The following AKAP11 variants were observed in gnomAD, a reference collection of about 807,000 sequenced individuals.
AKAP11 encodes A-kinase anchoring protein 11, also known as A-kinase anchor protein 11.
A neutral mutation model predicts 146.1 loss-of-function variants in AKAP11; 36 were observed. The observed-to-expected ratio is 0.25, with a 90% confidence interval of 0.19 to 0.33. AKAP11 has a LOEUF of 0.33. Ranked by LOEUF, AKAP11 falls within the 10% of genes least tolerant of loss-of-function variation. The pLI, the probability that AKAP11 is intolerant of heterozygous loss-of-function variation, is 1.00. For missense variants in AKAP11, 2,201 were observed against 2,197.0 expected, an observed-to-expected ratio of 1.00 and a Z score of -0.04; for synonymous variants, 780 against 786.5, an observed-to-expected ratio of 0.99 and a Z score of 0.14.
intron 4 of AKAP11, among the ~76,000 whole-genome samples, chr13:42,293,083 T>C (rs1959292355): frequency 6.6e-6 from 1 of 152,234 alleles, no homozygotes; most frequent in African/African-American, 2.4e-5. Context: ...AATATATCCA[T>C]ACTTCATCAT....
chr13:42,281,979 TC>T (rs1415210708), intron 1 of AKAP11, among the ~76,000 whole-genome samples: 1 of 147,384 alleles, frequency 6.8e-6, no homozygotes, highest in African/African-American at 2.5e-5. Context: ...ATTTTTTCTT[TC>T]TTTTTTTTTT....
rs748001529 is a variant in AKAP11 at position 42,301,287 on chromosome 13, G to T, written c.2541G>T (p.Gln847His). The change falls in exon 8 of 13, where the codon CAG becomes CAT. Residue 847 changes from glutamine (Q) to histidine (H), a missense_variant. Coordinates refer to ENST00000025301, the MANE Select transcript of AKAP11 (RefSeq NM_016248.4). ...CLPSEHNPGNQNDFKPTNDDI... is the reference protein window; with the variant it reads ...CLPSEHNPGNHNDFKPTNDDI... ...CTTCAGAACACAATCCAGGTAATCA[G>T]AATGATTTTAAACCAACTAATGACG... 1.2e-6 allele frequency: 2 copies of T among 1,613,804 alleles called. No individual in the cohort carries two copies. Among genetic ancestry groups the T allele is most frequent in the South Asian group, 2.2e-5 (2 of 91,012 alleles).
At chr13:42,316,230 G>T (rs1960815445) in intron 11 of AKAP11, among the ~76,000 whole-genome samples, 1 of 152,258 alleles carries the variant, frequency 6.6e-6, no homozygotes, top group Admixed American at 6.5e-5. Context: ...AATTAATAGT[G>T]GTCTAGAATG....
intron 1 of AKAP11, among the ~76,000 whole-genome samples, chr13:42,283,366 C>T (rs1959103156): frequency 6.6e-6 from 1 of 152,124 alleles, no homozygotes; most frequent in Non-Finnish European, 1.5e-5. Context: ...GTCTCAGGGG[C>T]ATGATTATAT....
rs192198194 is a variant in AKAP11 at position 42,304,734 on chromosome 13, T to C, written c.5117+871T>C. On this transcript the variant is annotated intron_variant, in intron 8 of 12. Coordinates refer to ENST00000025301, the MANE Select transcript of AKAP11 (RefSeq NM_016248.4). ...CTACAGTGTCCTGTTTTTCAGTAGC[T>C]ATCTCTTGTGCTCAGTGATTCTTTT... is the stretch of plus-strand genomic sequence containing the variant. Among the ~76,000 whole-genome samples, 24 of 152,100 alleles carry C rather than the reference T, an allele frequency of 1.6e-4. No individual in the cohort carries two copies. The East Asian group carries it at 2.3e-3, about 15-fold the overall frequency.
intron 1 of AKAP11, among the ~76,000 whole-genome samples, chr13:42,272,764 A>G (rs1958808617): frequency 6.6e-6 from 1 of 152,172 alleles, no homozygotes; most frequent in Admixed American, 6.5e-5. Flanking sequence ...TCCTCAGAGT[A>G]TTGATATTTG....
intron 11 of AKAP11, 120 bp downstream of exon 11, chr13:42,314,060 G>A (rs1960696745): frequency 2.1e-6 from 2 of 960,046 alleles, no homozygotes; most frequent in African/African-American, 3.3e-5. Context: ...TATAAATCAG[G>A]GTATTCTTGA....
At chr13:42,313,982 A>G (rs750322334) in intron 11 of AKAP11, 42 bp downstream of exon 11, 4 of 1,602,328 alleles carry the variant, frequency 2.5e-6, no homozygotes, top group African/African-American at 1.3e-5. Flanking sequence ...TGTGTTTTGT[A>G]TAAGGTTTCC....
rs577881422 is a variant in AKAP11, at chr13:42,313,137, C to T, written c.5357+7C>T. 3.0e-4 allele frequency: 479 copies of T among 1,605,856 alleles called. 6 individuals carry two copies. In the South Asian group the frequency reaches 5.2e-3, roughly 17 times the overall value. ...CCTTTCCAACATCAGACAGGTTGGT[C>T]CAGTCTAGAAACTTAAAAACTGATG... is the stretch of plus-strand genomic sequence containing the variant. On this transcript the variant is annotated splice_region_variant and intron_variant, in intron 10 of 12. Coordinates refer to ENST00000025301, the MANE Select transcript of AKAP11 (RefSeq NM_016248.4).
intron 8 of AKAP11, 33 bp from the exon 9 acceptor site, chr13:42,308,421 A>G (rs1260555983): frequency 1.2e-5 from 18 of 1,530,166 alleles, no homozygotes; most frequent in Middle Eastern, 2.1e-4. Flanking sequence ...GATGCTTTCA[A>G]TTTGATTTTT....
upstream of AKAP11, among the ~76,000 whole-genome samples, chr13:42,271,680 G>C (rs1958770157): frequency 6.6e-6 from 1 of 152,186 alleles, no homozygotes; most frequent in South Asian, 2.1e-4. Flanking sequence ...TGCGGAGCAA[G>C]CCAAGGCCTG....
chr13:42,303,470 A>G lies in AKAP11; in HGVS notation c.4724A>G (p.Tyr1575Cys). Residue 1575 changes from tyrosine to cysteine, a missense_variant, in exon 8 of 13, where the codon TAT becomes TGT. Around this residue, in one of 3 missense-constraint regions of AKAP11, gnomAD observed 1,867 missense variants for 1,833.5 expected, o/e 1.02. Transcript: ENST00000025301. ...ETTKSADRVTYAEKLSPLTGQ... is the reference protein window; with the variant it reads ...ETTKSADRVTCAEKLSPLTGQ... ...ACAAAATCAGCAGACAGGGTCACTT[A>G]TGCAGAAAAGTTGTCACCTCTTACA... The G allele has an allele frequency of 6.2e-7, 1 of 1,614,206 alleles. No homozygotes were observed. Among genetic ancestry groups the G allele is most frequent in the Non-Finnish European group, 8.5e-7 (1 of 1,180,016 alleles).
intron 1 of AKAP11, among the ~76,000 whole-genome samples, chr13:42,276,320 A>G (rs1018276016): frequency 6.6e-6 from 1 of 152,106 alleles, no homozygotes; most frequent in Admixed American, 6.5e-5. Flanking sequence ...ATCTTGGCTC[A>G]CTGCAACCTC....
Position 42,321,818 on chromosome 13 carries a change from AC to A in AKAP11, c.*2591del, listed in dbSNP as rs1459970653. ...CTGTACATTTTGGCCCTTACGAAAT[AC>A]GTCTTTTTCAGAACTGTTAAAGTTT... On this transcript the variant is annotated 3_prime_UTR_variant, in exon 13 of 13. Coordinates refer to ENST00000025301, the MANE Select transcript of AKAP11 (RefSeq NM_016248.4). The A allele has an allele frequency of 1.3e-5, 2 of 152,302 alleles. No homozygotes were observed. Among genetic ancestry groups the A allele is most frequent in the Non-Finnish European group, 1.5e-5 (1 of 67,986 alleles). 9.4% of individuals were successfully genotyped at this position (152,302 alleles called of 1,614,324 possible).
At chr13:42,305,064 C>G (rs557317045) in intron 8 of AKAP11, among the ~76,000 whole-genome samples, 2 of 152,262 alleles carry the variant, frequency 1.3e-5, no homozygotes, top group East Asian at 3.9e-4. Context: ...CTCAGTGATT[C>G]TTTAATAACA....
chr13:42,300,561 T>G lies in AKAP11; in HGVS notation c.1815T>G (p.Phe605Leu). 1 of 1,613,980 alleles carries G rather than the reference T, an allele frequency of 6.2e-7. No homozygotes were observed. The highest frequency in any genetic ancestry group is 8.5e-7 in the Non-Finnish European group (1 of 1,179,928). Reference protein sequence around the residue: ...AFDELRRQRAFSLKERAISGL... With the variant: ...AFDELRRQRALSLKERAISGL... ...ATGAGCTGAGAAGGCAGCGTGCATT[T>G]TCACTAAAAGAACGTGCCATTAGTG... Residue 605 changes from phenylalanine (F) to leucine (L), a missense_variant, in exon 8 of 13, where the codon TTT (phenylalanine) becomes TTG (leucine). Phe to Leu is a conservative substitution (Grantham distance 22). Transcript: ENST00000025301.
upstream of AKAP11, among the ~76,000 whole-genome samples, chr13:42,271,980 C>T (rs1314753933): frequency 6.6e-6 from 1 of 150,932 alleles, no homozygotes. Context: ...ATTTTTCTCG[C>T]GAGAGGCGCG....
rs763605647 is a variant in AKAP11 at position 42,303,462 on chromosome 13, G to A, written c.4716G>A (p.Arg1572=). The change falls in exon 8 of 13, where the codon AGG becomes AGA. Residue 1572 remains arginine (R), a synonymous_variant. Coordinates refer to ENST00000025301, the MANE Select transcript of AKAP11 (RefSeq NM_016248.4). ...RVSETTKSAD[R]VTYAEKLSPL... Reference sequence around the variant, plus strand: ...CTGAGACCACAAAATCAGCAGACAGGGTCACTTATGCAGAAAAGTTGTCAC... The same window carrying A: ...CTGAGACCACAAAATCAGCAGACAGAGTCACTTATGCAGAAAAGTTGTCAC... 2 of 1,614,106 alleles carry A rather than the reference G, an allele frequency of 1.2e-6. No homozygotes were observed. Among genetic ancestry groups the A allele is most frequent in the South Asian group, 1.1e-5 (1 of 91,080 alleles).
intron 7 of AKAP11, 51 bp downstream of exon 7, chr13:42,298,848 G>T: frequency 6.6e-7 from 1 of 1,519,828 alleles, no homozygotes. Context: ...AAATTTTTCA[G>T]TTTTGAAAAT....
Sources: allele counts gnomAD v4.1 joint callset (sites outside exome capture counted in the v4.1 genomes callset), GRCh38; gene constraint gnomAD v4.1.1; regional missense constraint gnomAD v4.1.1; transcripts MANE v1.5; gene names NCBI Gene and HGNC (gene_info 2026-07-23, HGNC 2026-07-21).